The following DGCR8 variants were observed in gnomAD, a reference collection of about 807,000 sequenced individuals.
The protein encoded by DGCR8 is DGCR8 microprocessor complex subunit.
A neutral mutation model predicts 78.5 loss-of-function variants in DGCR8; 14 were observed. The ratio of observed to expected loss-of-function variants is 0.18; its 90% CI spans 0.12 to 0.28. The LOEUF is 0.28. DGCR8 is among the 10% of genes least tolerant of loss of function. DGCR8 has a pLI of 1.00. For missense variants in DGCR8, 702 were observed against 1,022.5 expected (o/e 0.69, Z 4.28); for synonymous variants, 399 against 402.4 (o/e 0.99, Z 0.10).
Position 20,111,072 on chromosome 22 carries a change from GC to G in DGCR8, c.*967del. ...ACAGGAAGCAAGGGCCTTCAGTGTA[GC>G]CCATTCTTGATCCAGAGCTGTTGCC... On this transcript the variant is annotated 3_prime_UTR_variant, in exon 14 of 14. Coordinates refer to ENST00000351989, the MANE Select transcript of DGCR8 (RefSeq NM_022720.7). 1.0e-5 allele frequency: 4 copies of G among 397,882 alleles called. No homozygotes were observed. The highest frequency in any genetic ancestry group is 1.3e-5 in the Non-Finnish European group (3 of 226,048). 24.6% of individuals were successfully genotyped at this position (397,882 alleles called of 1,614,324 possible).
intron 1 of DGCR8, among the ~76,000 whole-genome samples, chr22:20,081,374 A>G (rs2049416398): frequency 6.6e-6 from 1 of 152,202 alleles, no homozygotes; most frequent in East Asian, 1.9e-4. Flanking sequence ...CCAAGGGTCC[A>G]GGGGAGCTTG....
intron 3 of DGCR8, among the ~76,000 whole-genome samples, chr22:20,088,713 G>A (rs1261511707): frequency 6.6e-6 from 1 of 152,194 alleles, no homozygotes; most frequent in African/African-American, 2.4e-5. Context: ...TCCAGGGTCA[G>A]GGCCACTTGG....
chr22:20,094,701 T>G lies in DGCR8; in HGVS notation c.1706-12T>G. The G allele has an allele frequency of 1.2e-6, 2 of 1,613,712 alleles. No individual in the cohort carries two copies. Among genetic ancestry groups the G allele is most frequent in the Non-Finnish European group, 1.7e-6 (2 of 1,179,660 alleles). On this transcript the variant is annotated splice_polypyrimidine_tract_variant and intron_variant, in intron 8 of 13. Transcript: ENST00000351989. The stretch of plus-strand genomic sequence containing the variant: ...TGCCCAAGCCTCACCCTCGGGCTCT[T>G]TTTTTTCATAGCCCGAGCTACACTG...
At chr22:20,101,347 C>T (rs558402799) in intron 9 of DGCR8, 13 of 922,384 alleles carry the variant, frequency 1.4e-5, no homozygotes, top group African/African-American at 7.1e-5. Flanking sequence ...GAGGCCGAGG[C>T]GGGCAGATTA....
At chr22:20,091,346 G>T (rs923495426) in intron 5 of DGCR8, 89 bp from the exon 6 acceptor site, 21 of 1,326,514 alleles carry the variant, frequency 1.6e-5, no homozygotes, top group Non-Finnish European at 2.3e-5. Context: ...GTGTCATGTG[G>T]CCTGGGCCTG....
Position 20,086,104 on chromosome 22 carries a change from G to A in DGCR8, c.141G>A (p.Glu47=), listed in dbSNP as rs752068957. 5 of 1,614,176 alleles carry A rather than the reference G, an allele frequency of 3.1e-6. No individual in the cohort carries two copies. The South Asian group carries it at 5.5e-5, about 18-fold the overall frequency. ...PPPLQTSSGA[E]VMDVGSGGDG... ...CCCTGCAAACGTCCAGTGGTGCAGA[G>A]GTAATGGACGTTGGCTCTGGTGGTG... Residue 47 remains glutamate (E), a synonymous_variant, in exon 2 of 14, where the codon GAG becomes GAA. Coordinates refer to ENST00000351989, the MANE Select transcript of DGCR8 (RefSeq NM_022720.7). This position sits in a 1 kb window ranked among gnomAD's most constrained non-coding sequence, Gnocchi z 6.4.
Position 20,086,333 on chromosome 22 carries a change from T to C in DGCR8, c.370T>C (p.Phe124Leu). Residue 124 changes from phenylalanine (F) to leucine (L), a missense_variant, in exon 2 of 14, where the codon TTT becomes CTT. By Grantham distance (22) the Phe-to-Leu change is conservative. Transcript: ENST00000351989. The surrounding 1 kb of genome is among the most constrained non-coding windows in gnomAD (Gnocchi z 6.4). ...TAAGGATGTAAAGATTAGCGTGAGCTTTACCGAGAGCTGCAGGAGTAAGGA... is the reference window on the plus strand; with the variant it reads ...TAAGGATGTAAAGATTAGCGTGAGCCTTACCGAGAGCTGCAGGAGTAAGGA... ...LLKDVKISVS[F>L]TESCRSKDRK... 1 of 1,614,030 alleles carries C rather than the reference T, an allele frequency of 6.2e-7. No homozygotes were observed. Among genetic ancestry groups the C allele is most frequent in the Non-Finnish European group, 8.5e-7 (1 of 1,180,014 alleles).
At chr22:20,102,248 C>A in intron 9 of DGCR8, 1 of 258,596 alleles carries the variant, frequency 3.9e-6, no homozygotes, top group Non-Finnish European at 6.0e-6. Context: ...ACTCTCCCAC[C>A]TGTATCCTCT....
intron 7 of DGCR8, among the ~76,000 whole-genome samples, 187 bp downstream of exon 7, chr22:20,092,157 T>C (rs2049573073): frequency 6.6e-6 from 1 of 152,166 alleles, no homozygotes; most frequent in African/African-American, 2.4e-5. Flanking sequence ...AGTGGGTGGC[T>C]CTGCTTTTCC....
intron 9 of DGCR8, chr22:20,100,625 G>A (rs1438924856): frequency 4.1e-6 from 4 of 985,294 alleles, no homozygotes. Context: ...AGGGCCCAGC[G>A]GGGAGTCAGG....
chr22:20,085,928 C>G lies in DGCR8; in HGVS notation c.-36C>G. The stretch of plus-strand genomic sequence containing the variant: ...TAGATTTATGTGAGGGCTTGTAAAA[C>G]TCTGGTCTTGTAAACTAGTCTTAAG... On this transcript the variant is annotated 5_prime_UTR_variant, in exon 2 of 14. Transcript: ENST00000351989. This position sits in a 1 kb window ranked among gnomAD's most constrained non-coding sequence, Gnocchi z 6.2. 4 of 1,512,050 alleles carry G rather than the reference C, an allele frequency of 2.6e-6. No homozygotes were observed. The highest frequency in any genetic ancestry group is 3.5e-6 in the Non-Finnish European group (4 of 1,136,620). The allele number at this position is 1,512,050 out of a possible 1,614,324, so 93.7% of individuals were successfully genotyped here.
chr22:20,108,634 T>C (rs775736223), intron 12 of DGCR8: 14 of 357,750 alleles, frequency 3.9e-5, no homozygotes, highest in Non-Finnish European at 7.6e-5. Flanking sequence ...CAGGAGGCCA[T>C]ATAAGTGGCG....
In DGCR8 at chr22:20,089,725, A is replaced by G; in HGVS notation, c.937A>G (p.Asn313Asp). 6.2e-7 allele frequency: 1 copy of G among 1,613,290 alleles called. No individual in the cohort carries two copies. The highest frequency in any genetic ancestry group is 8.5e-7 in the Non-Finnish European group (1 of 1,179,886). The change falls in exon 4 of 14, where the codon AAC (asparagine) becomes GAC (aspartate). Residue 313 changes from asparagine to aspartate, a missense_variant. Asn to Asp is a conservative substitution (Grantham distance 23). Transcript: ENST00000351989. The surrounding 1 kb of genome is among the most constrained non-coding windows in gnomAD (Gnocchi z 4.9). ...CGACGGGTGGATCATGACATTCCAT[A>G]ACTCTGGAGTCCCGGTGTACCTACA... ...LPDGWIMTFH[N>D]SGVPVYLHRE... is the part of the protein sequence containing the mutation.
chr22:20,104,460 C>T (rs956698993), intron 9 of DGCR8, among the ~76,000 whole-genome samples: 3 of 152,182 alleles, frequency 2.0e-5, no homozygotes, highest in Non-Finnish European at 4.4e-5. Context: ...AGCCACCGCG[C>T]CCGGCTGGCG....
At chr22:20,100,314 C>G (rs763106811) in intron 9 of DGCR8, 66 of 969,818 alleles carry the variant, frequency 6.8e-5, no homozygotes, top group Non-Finnish European at 7.8e-5. Flanking sequence ...ATCCGTCCGT[C>G]TTGGCCTCCC....
chr22:20,099,843 C>T (rs1309726670), intron 9 of DGCR8, among the ~76,000 whole-genome samples: 2 of 152,186 alleles, frequency 1.3e-5, no homozygotes, highest in Non-Finnish European at 2.9e-5. Flanking sequence ...CTAACTTGCT[C>T]TTAAGTTTCT....
Position 20,087,353 on chromosome 22 carries a change from C to G in DGCR8, c.880+32C>G, listed in dbSNP as rs748991823. The stretch of plus-strand genomic sequence containing the variant: ...GTGTGGGTCAGAAGCAGTGGGTGTT[C>G]CAGGGCAGTGGAGGGGTGGTTGCTT... On this transcript the variant is annotated intron_variant, in intron 3 of 13. Transcript: ENST00000351989. This position sits in a 1 kb window ranked among gnomAD's most constrained non-coding sequence, Gnocchi z 4.1. The G allele has an allele frequency of 4.1e-5, 65 of 1,570,002 alleles. No homozygotes were observed. Among genetic ancestry groups the G allele is most frequent in the Non-Finnish European group, 5.4e-5 (62 of 1,152,402 alleles).
intron 1 of DGCR8, among the ~76,000 whole-genome samples, chr22:20,083,994 G>A (rs1438001081): frequency 6.6e-6 from 1 of 152,214 alleles, no homozygotes; most frequent in African/African-American, 2.4e-5. Flanking sequence ...ATTCCCATTA[G>A]ATTCAGAAAT....
At chr22:20,092,776 G>A (rs771880207) in intron 7 of DGCR8, 33 bp from the exon 8 acceptor site, 8 of 1,580,378 alleles carry the variant, frequency 5.1e-6, no homozygotes, top group East Asian at 2.2e-5. Flanking sequence ...GTCTTGACTC[G>A]TATGTTTTAA....
Sources: allele counts gnomAD v4.1 joint callset (sites outside exome capture counted in the v4.1 genomes callset), GRCh38; gene constraint gnomAD v4.1.1; non-coding constraint Gnocchi (gnomAD v3.1); transcripts MANE v1.5; gene names NCBI Gene and HGNC (gene_info 2026-07-23, HGNC 2026-07-21).